The following IQCM variants were observed in gnomAD, a reference collection of about 807,000 sequenced individuals.
The protein encoded by IQCM is IQ domain-containing protein M.
In IQCM, 45 loss-of-function variants were observed where a neutral mutation model predicts 57.6. The observed-to-expected ratio is 0.78, with a 90% CI of 0.62 to 1.00. The LOEUF (loss-of-function observed/expected upper bound fraction) is 1.00, where lower values mean the gene tolerates loss of function less well. IQCM is among the 50% of genes least tolerant of loss of function. The pLI, the probability that IQCM is intolerant of heterozygous loss-of-function variation, is 0.00. For synonymous variants in IQCM, 148 were observed against 158.9 expected (o/e 0.93, Z 0.51); for missense variants, 468 against 511.6 (o/e 0.91, Z 0.82).
chr4:149,752,096 T>G (rs1161144354), intron 2 of IQCM, among the ~76,000 whole-genome samples: 1 of 152,020 alleles, frequency 6.6e-6, no homozygotes, highest in South Asian at 2.1e-4. Flanking sequence ...TTTAGAAACA[T>G]GAAGAGTCCC....
At chr4:149,464,522 T>C (rs1016009074) in intron 12 of IQCM, among the ~76,000 whole-genome samples, 11 of 152,196 alleles carry the variant, frequency 7.2e-5, no homozygotes, top group Non-Finnish European at 1.5e-4. Flanking sequence ...CATCTTGCCA[T>C]GTGACTACTG....
At chr4:149,515,746 G>A (rs1268724960) in intron 12 of IQCM, among the ~76,000 whole-genome samples, 2 of 152,186 alleles carry the variant, frequency 1.3e-5, no homozygotes, top group Non-Finnish European at 2.9e-5. Context: ...ATTGTATACT[G>A]ATTCACGGGC....
intron 2 of IQCM, among the ~76,000 whole-genome samples, chr4:149,804,710 G>A (rs1773914616): frequency 6.6e-6 from 1 of 152,044 alleles, no homozygotes; most frequent in South Asian, 2.1e-4. Context: ...GATGGGCTTG[G>A]TAGACCTCCA....
chr4:149,790,769 C>T (rs567752879), intron 2 of IQCM, among the ~76,000 whole-genome samples: 41 of 152,108 alleles, frequency 2.7e-4, no homozygotes, highest in African/African-American at 7.9e-4. Flanking sequence ...TGTGAAATAG[C>T]GACAGAGGAG....
intron 7 of IQCM, among the ~76,000 whole-genome samples, chr4:149,678,859 C>T (rs759567194): frequency 2.0e-5 from 3 of 151,504 alleles, no homozygotes; most frequent in Non-Finnish European, 3.0e-5. Flanking sequence ...TTAAAAATGG[C>T]TTCTATCAAA....
intron 2 of IQCM, among the ~76,000 whole-genome samples, chr4:149,807,188 C>G (rs956069966): frequency 6.6e-6 from 1 of 151,534 alleles, no homozygotes; most frequent in African/African-American, 2.4e-5. Context: ...CATGAAAGAC[C>G]CCAAATAGCT....
At chr4:149,404,800 A>T (rs1392236584) in intron 13 of IQCM, among the ~76,000 whole-genome samples, 2 of 152,124 alleles carry the variant, frequency 1.3e-5, no homozygotes, top group Non-Finnish European at 2.9e-5. Flanking sequence ...AAGGCTTTTT[A>T]TAGCAAATGT....
At chr4:149,358,687 A>C (rs1346317819) in intron 13 of IQCM, among the ~76,000 whole-genome samples, 26 of 152,116 alleles carry the variant, frequency 1.7e-4, no homozygotes, top group Admixed American at 1.7e-3. Flanking sequence ...AAGCTGGCAA[A>C]GAGGGAAGAA....
At chr4:149,810,488 C>T (rs1468573219) in intron 2 of IQCM, among the ~76,000 whole-genome samples, 1 of 151,674 alleles carries the variant, frequency 6.6e-6, no homozygotes, top group Non-Finnish European at 1.5e-5. Context: ...CTTGCTCTGT[C>T]ACCCAGGCTG....
chr4:149,582,672 A>G (rs938430491), intron 9 of IQCM, among the ~76,000 whole-genome samples: 1 of 151,510 alleles, frequency 6.6e-6, no homozygotes, highest in Non-Finnish European at 1.5e-5. Flanking sequence ...AAAGTCTATA[A>G]TTCTGCAAAG....
intron 8 of IQCM, among the ~76,000 whole-genome samples, chr4:149,607,512 G>C (rs920194858): frequency 6.6e-6 from 1 of 151,960 alleles, no homozygotes; most frequent in African/African-American, 2.4e-5. Flanking sequence ...TAATTGCGAT[G>C]TGTAAACCAT....
intron 2 of IQCM, among the ~76,000 whole-genome samples, chr4:149,777,190 A>G (rs1771171425): frequency 6.6e-6 from 1 of 152,230 alleles, no homozygotes; most frequent in Non-Finnish European, 1.5e-5. Context: ...GACTGTCTGA[A>G]ATTCTGCACC....
intron 5 of IQCM, among the ~76,000 whole-genome samples, chr4:149,726,301 GA>G (rs1263451246): frequency 1.3e-5 from 2 of 150,400 alleles, no homozygotes; most frequent in African/African-American, 2.4e-5. Context: ...TAACTTCATT[GA>G]AAAAAAAATT....
chr4:149,625,765 G>C (rs11937584), intron 7 of IQCM, among the ~76,000 whole-genome samples: 22,518 of 152,078 alleles, frequency 0.15, 2,076 homozygotes, highest in South Asian at 0.33. Flanking sequence ...GAAAAATCCA[G>C]AGAGGGCTTC....
At chr4:149,354,885 A>C (rs1728849102) in intron 13 of IQCM, among the ~76,000 whole-genome samples, 1 of 152,196 alleles carries the variant, frequency 6.6e-6, no homozygotes, top group African/African-American at 2.4e-5. Context: ...GCAACGTGTT[A>C]ATAATAGGAG....
chr4:149,653,066 A>G (rs1759333026), intron 7 of IQCM, among the ~76,000 whole-genome samples: 1 of 152,220 alleles, frequency 6.6e-6, no homozygotes, highest in Non-Finnish European at 1.5e-5. Context: ...TAAGTGTAAC[A>G]TGAGATTTTT....
intron 13 of IQCM, among the ~76,000 whole-genome samples, chr4:149,380,705 GA>G (rs1418268569): frequency 6.6e-6 from 1 of 152,100 alleles, no homozygotes; most frequent in African/African-American, 2.4e-5. Context: ...TCAGGAAAGA[GA>G]AAAAAGTAAA....
rs186094576 is a variant in IQCM, at chr4:149,601,849, G to A, written c.682-13852C>T. ...CAAGGCAGGCAGATCCCAAGATCGA[G>A]ACCATCCTGGCTAACACGGTGAAAC... On this transcript the variant is annotated intron_variant, in intron 8 of 13. Coordinates refer to ENST00000636793, the MANE Select transcript of IQCM (RefSeq NM_001363507.2). Among the ~76,000 whole-genome samples the A allele has an allele frequency of 3.3e-3, 500 of 151,992 alleles. 1 individual carries two copies. The highest frequency in any genetic ancestry group is 0.014 in the Middle Eastern group (4 of 294).
In IQCM at chr4:149,584,756, T is replaced by G. The variant is rs1486218328; in HGVS notation, c.749+3174A>C. Among the ~76,000 whole-genome samples, 33 of 151,704 alleles carry G rather than the reference T, an allele frequency of 2.2e-4. 1 individual carries two copies. Among genetic ancestry groups the G allele is most frequent in the Non-Finnish European group, 1.2e-4 (8 of 67,814 alleles). On this transcript the variant is annotated intron_variant, in intron 9 of 13. Transcript: ENST00000636793. ...AAAACAGGAAGATGAACAACAACAA[T>G]GACAAATGAATTTGAAATTTGCTTT...
Sources: allele counts gnomAD v4.1 joint callset (sites outside exome capture counted in the v4.1 genomes callset), GRCh38; gene constraint gnomAD v4.1.1; transcripts MANE v1.5; gene names NCBI Gene and HGNC (gene_info 2026-07-23, HGNC 2026-07-21).